Variants in LRGUK observed in about 807,000 individuals in gnomAD.
The protein encoded by LRGUK is leucine rich repeats and guanylate kinase domain containing.
A neutral mutation model predicts 76.0 loss-of-function variants in LRGUK; 65 were observed. The ratio of observed to expected loss-of-function variants is 0.85; its 90% CI spans 0.70 to 1.05. The LOEUF is 1.05. Ranked by LOEUF, LRGUK falls within the 50% of genes least tolerant of loss-of-function variation. The pLI, the probability that LRGUK is intolerant of heterozygous loss-of-function variation, is 0.00. For synonymous variants in LRGUK, 268 were observed against 265.6 expected, an observed-to-expected ratio of 1.01 and a Z score of -0.09; for missense variants, 758 against 732.8, an observed-to-expected ratio of 1.03 and a Z score of -0.40.
chr7:134,157,761 GAT>G (rs2116909371), intron 5 of LRGUK, among the ~76,000 whole-genome samples: 1 of 152,278 alleles, frequency 6.6e-6, no homozygotes, highest in African/African-American at 2.4e-5. Flanking sequence ...CTGACCTCAT[GAT>G]GTGCCCACCT....
At chr7:134,168,837 G>A (rs1799111395) in intron 7 of LRGUK, among the ~76,000 whole-genome samples, 1 of 152,074 alleles carries the variant, frequency 6.6e-6, no homozygotes. Context: ...CTAAACCTTA[G>A]AGGCAGAGTG....
At chr7:134,213,161 A>G (rs1801340812), downstream of LRGUK, among the ~76,000 whole-genome samples, 1 of 152,198 alleles carries the variant, frequency 6.6e-6, no homozygotes, top group South Asian at 2.1e-4. Context: ...GCAGGTCTAT[A>G]TAGATCCAAA....
intron 1 of LRGUK, among the ~76,000 whole-genome samples, chr7:134,135,180 G>A (rs75223950): frequency 0.14 from 20,571 of 152,158 alleles, 1,715 homozygotes; most frequent in East Asian, 0.33. Flanking sequence ...GGAAGGGGAG[G>A]AGGGATGCAG....
intron 19 of LRGUK, among the ~76,000 whole-genome samples, chr7:134,263,524 G>T (rs539022302): frequency 6.8e-6 from 1 of 146,288 alleles, no homozygotes; most frequent in East Asian, 2.0e-4. Flanking sequence ...GCATCCTCTG[G>T]TCATTGGGCA....
intron 5 of LRGUK, among the ~76,000 whole-genome samples, chr7:134,153,801 T>C (rs1029695299): frequency 6.6e-6 from 1 of 152,186 alleles, no homozygotes; most frequent in Non-Finnish European, 1.5e-5. Flanking sequence ...GGTAAGGTGA[T>C]ACAGATCTTT....
intron 16 of LRGUK, among the ~76,000 whole-genome samples, chr7:134,234,276 T>G (rs991879342): frequency 8.5e-5 from 13 of 152,066 alleles, no homozygotes; most frequent in Admixed American, 8.5e-4. Context: ...TCCCAGTCTC[T>G]TGGTGATGTC....
chr7:134,213,297 A>G (rs748185966), downstream of LRGUK, among the ~76,000 whole-genome samples: 4 of 152,178 alleles, frequency 2.6e-5, no homozygotes, highest in Non-Finnish European at 5.9e-5. Flanking sequence ...AGAGCAATAC[A>G]GGAAGCAGGA....
intron 14 of LRGUK, among the ~76,000 whole-genome samples, 175 bp downstream of exon 14, chr7:134,199,596 G>A (rs1800664024): frequency 6.6e-6 from 1 of 152,058 alleles, no homozygotes; most frequent in Non-Finnish European, 1.5e-5. Context: ...GTTTTAATGA[G>A]AGCATTGTCT....
chr7:134,246,604 T>C (rs1585598121), intron 16 of LRGUK, among the ~76,000 whole-genome samples: 1 of 152,214 alleles, frequency 6.6e-6, no homozygotes, highest in East Asian at 1.9e-4. Flanking sequence ...TGTTATTTCT[T>C]GTGAAATTTT....
intron 19 of LRGUK, among the ~76,000 whole-genome samples, chr7:134,260,613 T>C (rs535574695): frequency 1.8e-4 from 28 of 152,300 alleles, no homozygotes; most frequent in African/African-American, 6.7e-4. Context: ...TGTGTGCTTT[T>C]TTCCCAGTTC....
intron 10 of LRGUK, among the ~76,000 whole-genome samples, chr7:134,181,830 C>A (rs1003758407): frequency 1.3e-5 from 2 of 152,098 alleles, no homozygotes; most frequent in Non-Finnish European, 2.9e-5. Flanking sequence ...GGAAATCCAC[C>A]AACCTTATCG....
chr7:134,245,230 G>A (rs1220857728), intron 16 of LRGUK, among the ~76,000 whole-genome samples: 2 of 152,016 alleles, frequency 1.3e-5, no homozygotes, highest in Non-Finnish European at 2.9e-5. Flanking sequence ...TAAATAAAAA[G>A]TTCCTATGAC....
intron 5 of LRGUK, among the ~76,000 whole-genome samples, 184 bp downstream of exon 5, chr7:134,148,503 G>T (rs917404764): frequency 6.6e-6 from 1 of 152,126 alleles, no homozygotes; most frequent in African/African-American, 2.4e-5. Context: ...TATTTACCAA[G>T]AAATGAAACT....
At chr7:134,212,743 T>C (rs1201107582), downstream of LRGUK, among the ~76,000 whole-genome samples, 1 of 152,210 alleles carries the variant, frequency 6.6e-6, no homozygotes, top group Non-Finnish European at 1.5e-5. Flanking sequence ...CAGACAGTGA[T>C]GGTTGCTAGA....
chr7:134,213,027 G>A (rs990781986), downstream of LRGUK, among the ~76,000 whole-genome samples: 9 of 152,172 alleles, frequency 5.9e-5, no homozygotes, highest in Non-Finnish European at 8.8e-5. Context: ...TAGTCATCGC[G>A]GTTGCAGAAT....
At chr7:134,211,093 G>A (rs550733086), downstream of LRGUK, among the ~76,000 whole-genome samples, 61 of 152,316 alleles carry the variant, frequency 4.0e-4, 1 homozygote, top group South Asian at 5.0e-3. Flanking sequence ...CATGGTCAGC[G>A]TAGGTGGAGG....
chr7:134,137,903 G>T (rs997463175), intron 2 of LRGUK, among the ~76,000 whole-genome samples: 2 of 151,874 alleles, frequency 1.3e-5, no homozygotes, highest in African/African-American at 4.8e-5. Flanking sequence ...ATGATTTGGC[G>T]AAAGGGTATG....
At chr7:134,183,793 G>C in exon 11 of LRGUK, 1 of 1,614,138 alleles carries the variant, frequency 6.2e-7, no homozygotes, top group South Asian at 1.1e-5. Context: ...CCTGAAGCTT[G>C]TGGGAAACGA....
chr7:134,205,210 C>T (rs1377541067), intron 15 of LRGUK, among the ~76,000 whole-genome samples: 2 of 152,170 alleles, frequency 1.3e-5, no homozygotes, highest in Non-Finnish European at 2.9e-5. Context: ...TTTTAGAATC[C>T]TGCTGATTGG....
Sources: gnomAD v4.1 joint callset for allele counts (sites outside exome capture counted in the v4.1 genomes callset) on GRCh38, gnomAD v4.1.1 for gene constraint, MANE v1.5 for transcripts, NCBI Gene and HGNC (gene_info 2026-07-23, HGNC 2026-07-21) for gene names.